The following CTNNA3 variants were observed in gnomAD, a reference collection of about 807,000 sequenced individuals.
CTNNA3 encodes the protein catenin alpha-3.
A neutral mutation model predicts 95.7 loss-of-function variants in CTNNA3; 76 were observed. The ratio of observed to expected loss-of-function variants is 0.79; its 90% CI spans 0.66 to 0.96. The LOEUF (loss-of-function observed/expected upper bound fraction) is 0.96. CTNNA3 is among the 40% of genes least tolerant of loss of function. The pLI, the probability that CTNNA3 is intolerant of heterozygous loss-of-function variation, is 0.00. For missense variants in CTNNA3, 1,191 were observed against 1,089.8 expected (o/e 1.09, Z -1.31); for synonymous variants, 431 against 374.4 (o/e 1.15, Z -1.74).
At chr10:65,960,257 C>T (rs558638275) in intron 17 of CTNNA3, among the ~76,000 whole-genome samples, 11 of 151,556 alleles carry the variant, frequency 7.3e-5, no homozygotes, top group African/African-American at 2.4e-4. Context: ...GGGGGTACGG[C>T]TGGGTGCAGC....
intron 7 of CTNNA3, among the ~76,000 whole-genome samples, chr10:66,826,771 G>C (rs1842530527): frequency 6.6e-6 from 1 of 152,148 alleles, no homozygotes; most frequent in South Asian, 2.1e-4. Flanking sequence ...TGCAGTTTTA[G>C]AAAATGAACA....
intron 7 of CTNNA3, among the ~76,000 whole-genome samples, chr10:67,100,413 G>A (rs1858274239): frequency 6.6e-6 from 1 of 151,632 alleles, no homozygotes; most frequent in Non-Finnish European, 1.5e-5. Flanking sequence ...TTTTTATTTT[G>A]CCATGTCCAG....
intron 10 of CTNNA3, among the ~76,000 whole-genome samples, chr10:66,608,833 A>G (rs534382835): frequency 3.9e-5 from 6 of 152,236 alleles, no homozygotes; most frequent in African/African-American, 1.2e-4. Flanking sequence ...ACCAATAAAA[A>G]CCCTGGAAGA....
At chr10:67,550,253 AT>A (rs1310647036) in intron 3 of CTNNA3, among the ~76,000 whole-genome samples, 1 of 152,166 alleles carries the variant, frequency 6.6e-6, no homozygotes, top group Non-Finnish European at 1.5e-5. Flanking sequence ...GGAATTTCCC[AT>A]ATGCCTCAGT....
At chr10:67,033,538 T>G (rs1190810664) in intron 7 of CTNNA3, among the ~76,000 whole-genome samples, 1 of 152,218 alleles carries the variant, frequency 6.6e-6, no homozygotes, top group Non-Finnish European at 1.5e-5. Context: ...GTAGACATAG[T>G]TCACTTCTAC....
chr10:66,740,152 T>C (rs1326015499), intron 9 of CTNNA3, among the ~76,000 whole-genome samples: 2 of 152,318 alleles, frequency 1.3e-5, no homozygotes, highest in South Asian at 2.1e-4. Context: ...AAAATGGTAT[T>C]AATGTTTTAG....
At chr10:67,433,044 A>T (rs1472513480) in intron 5 of CTNNA3, among the ~76,000 whole-genome samples, 1 of 152,098 alleles carries the variant, frequency 6.6e-6, no homozygotes, top group Non-Finnish European at 1.5e-5. Context: ...TGTTTGGCAC[A>T]AGAGGCCCAG....
At chr10:65,971,603 C>T (rs536340048) in intron 16 of CTNNA3, among the ~76,000 whole-genome samples, 27 of 151,848 alleles carry the variant, frequency 1.8e-4, no homozygotes, top group Non-Finnish European at 1.5e-4. Flanking sequence ...ACACACAATC[C>T]TCCAAGAATG....
chr10:66,252,292 GTTTA>G (rs2090590241), intron 13 of CTNNA3, among the ~76,000 whole-genome samples: 1 of 152,024 alleles, frequency 6.6e-6, no homozygotes, highest in African/African-American at 2.4e-5. Context: ...ATATTTTCAA[GTTTA>G]TTTGCCTAGG....
chr10:66,385,779 G>A (rs578262502), intron 11 of CTNNA3, among the ~76,000 whole-genome samples: 37 of 152,146 alleles, frequency 2.4e-4, no homozygotes, highest in African/African-American at 5.1e-4. Context: ...ATGCAAGGCC[G>A]GTTCAACATA....
At chr10:67,741,707 C>T (rs1841340485) in intron 1 of CTNNA3, among the ~76,000 whole-genome samples, 1 of 151,210 alleles carries the variant, frequency 6.6e-6, no homozygotes, top group South Asian at 2.1e-4. Context: ...AAGACACAGA[C>T]TGGCAAACTG....
chr10:67,691,795 G>C (rs1252341674), intron 1 of CTNNA3, among the ~76,000 whole-genome samples: 4 of 137,028 alleles, frequency 2.9e-5, no homozygotes, highest in South Asian at 2.5e-4. Context: ...CAGCCGCCCC[G>C]TCCAGGAGGT....
intron 5 of CTNNA3, among the ~76,000 whole-genome samples, chr10:67,370,095 T>C (rs1671648256): frequency 6.6e-6 from 1 of 152,198 alleles, no homozygotes; most frequent in South Asian, 2.1e-4. Flanking sequence ...TTCTGTGTAA[T>C]GGCAAAAGAT....
At chr10:66,827,677 C>G (rs1281083212) in intron 7 of CTNNA3, among the ~76,000 whole-genome samples, 7 of 152,168 alleles carry the variant, frequency 4.6e-5, no homozygotes, top group Non-Finnish European at 1.0e-4. Context: ...AAAAATGATG[C>G]AGGTAAAATA....
At chr10:66,665,302 G>A (rs1846412227) in intron 9 of CTNNA3, among the ~76,000 whole-genome samples, 1 of 152,132 alleles carries the variant, frequency 6.6e-6, no homozygotes, top group Admixed American at 6.5e-5. Context: ...AGGATAAAAA[G>A]CATTGGATTT....
chr10:67,353,033 C>T lies in CTNNA3; in HGVS notation c.580-133163G>A, dbSNP rs139974361. On this transcript the variant is annotated intron_variant, in intron 5 of 17. Coordinates refer to ENST00000433211, the MANE Select transcript of CTNNA3 (RefSeq NM_013266.4). ...GTCACATCTTTGAGGGCCAGCACTA[C>T]GTTTCCAAAATGGGAAAGGTTTTAT... Among the ~76,000 whole-genome samples the T allele has an allele frequency of 1.5e-3, 235 of 152,084 alleles. 3 individuals are homozygous for T. Among genetic ancestry groups the T allele is most frequent in the African/African-American group, 5.4e-3 (226 of 41,530 alleles).
At chr10:66,611,126 A>T (rs1844315042) in intron 10 of CTNNA3, among the ~76,000 whole-genome samples, 1 of 152,128 alleles carries the variant, frequency 6.6e-6, no homozygotes, top group African/African-American at 2.4e-5. Context: ...CGGTTACCAG[A>T]GGCCGGAAAG....
chr10:67,097,652 G>A (rs1858090300), intron 7 of CTNNA3: 2 of 1,612,458 alleles, frequency 1.2e-6, no homozygotes, highest in African/African-American at 1.3e-5. Flanking sequence ...GTTACTGTGG[G>A]GTGCATCATG....
intron 9 of CTNNA3, among the ~76,000 whole-genome samples, chr10:66,663,752 A>T (rs1379017681): frequency 6.6e-6 from 1 of 152,174 alleles, no homozygotes; most frequent in Admixed American, 6.6e-5. Flanking sequence ...ACACCAAGTT[A>T]AAGTCTTGTA....
Sources: gnomAD v4.1 joint callset for allele counts (sites outside exome capture counted in the v4.1 genomes callset) on GRCh38, gnomAD v4.1.1 for gene constraint, MANE v1.5 for transcripts, NCBI Gene and HGNC (gene_info 2026-07-23, HGNC 2026-07-21) for gene names.